Variants in HSD17B7 observed in about 807,000 individuals in gnomAD.
HSD17B7 encodes the protein 3-keto-steroid reductase/17-beta-hydroxysteroid dehydrogenase 7.
HSD17B7 carries 17 observed loss-of-function variants against 34.1 expected under a neutral mutation model. The ratio of observed to expected loss-of-function variants is 0.50; its 90% CI spans 0.34 to 0.75. HSD17B7 has a LOEUF of 0.75. Among genes scored for constraint, HSD17B7 ranks in the 30% least tolerant of loss-of-function variants. HSD17B7 has a pLI of 0.01. For missense variants in HSD17B7, 296 were observed against 406.6 expected (o/e 0.73, Z 2.34); for synonymous variants, 122 against 154.6 (o/e 0.79, Z 1.56).
At chr1:162,795,344 A>ATATTAGAGCAATGTAT (rs1648568704) in intron 2 of HSD17B7, among the ~76,000 whole-genome samples, 1 of 152,222 alleles carries the variant, frequency 6.6e-6, no homozygotes, top group African/African-American at 2.4e-5. Context: ...TGTTTTATCC[A>ATATTAGAGCAATGTAT]TATTAGAGCA....
At chr1:162,801,359 TA>T (rs1648807862) in intron 5 of HSD17B7, among the ~76,000 whole-genome samples, 1 of 152,200 alleles carries the variant, frequency 6.6e-6, no homozygotes, top group South Asian at 2.1e-4. Context: ...GCATATTATT[TA>T]ATCTCCCTAT....
chr1:162,811,522 G>A (rs1207905795), intron 8 of HSD17B7, among the ~76,000 whole-genome samples: 1 of 152,210 alleles, frequency 6.6e-6, no homozygotes, highest in African/African-American at 2.4e-5. Flanking sequence ...AAGTTTGCCT[G>A]TACATACTGT....
At chr1:162,798,999 A>G in intron 4 of HSD17B7, 1 of 183,102 alleles carries the variant, frequency 5.5e-6, no homozygotes, top group Non-Finnish European at 1.2e-5. Flanking sequence ...CGTCTCAAAA[A>G]AAAAAAAAAA....
chr1:162,802,075 G>T (rs1433392203), intron 5 of HSD17B7, among the ~76,000 whole-genome samples: 3 of 152,080 alleles, frequency 2.0e-5, no homozygotes, highest in Admixed American at 6.6e-5. Context: ...TGGAAATGTT[G>T]TCAGGTTCTA....
chr1:162,802,129 C>A (rs1189785387), intron 5 of HSD17B7, among the ~76,000 whole-genome samples: 2 of 152,202 alleles, frequency 1.3e-5, no homozygotes, highest in East Asian at 3.9e-4. Flanking sequence ...CATGCTCCCC[C>A]ACTCAAGCTG....
In HSD17B7 at chr1:162,796,648, C is replaced by G; in HGVS notation, c.303C>G (p.Ile101Met). The G allele has an allele frequency of 6.2e-7, 1 of 1,611,178 alleles. No homozygotes were observed. The highest frequency in any genetic ancestry group is 8.5e-7 in the Non-Finnish European group (1 of 1,177,448). Residue 101 changes from isoleucine to methionine, a missense_variant, in exon 3 of 9, where the codon ATC becomes ATG. Transcript: ENST00000254521. Reference protein sequence around the residue: ...AGIMPNPQLNIKALFFGLFSR... With the variant: ...AGIMPNPQLNMKALFFGLFSR... ...TCATGCCTAATCCACAACTAAATAT[C>G]AAAGCACTTTTCTTTGGCCTCTTTT...
chr1:162,791,169 C>T lies in HSD17B7; in HGVS notation c.35+334C>T, dbSNP rs192672890. 3.6e-3 allele frequency among the ~76,000 whole-genome samples: 548 copies of T among 152,202 alleles called. 3 individuals carry two copies. Among genetic ancestry groups the T allele is most frequent in the African/African-American group, 0.013 (526 of 41,556 alleles). ...ACTGTTCGTATTTATCGTCAGTGCC[C>T]AATATTTTGCTCCTGACCACGTGAT... On this transcript the variant is annotated intron_variant, in intron 1 of 8. Transcript: ENST00000254521.
intron 1 of HSD17B7, 144 bp downstream of exon 1, chr1:162,790,979 C>T: frequency 1.6e-6 from 1 of 640,454 alleles, no homozygotes; most frequent in South Asian, 1.7e-5. Flanking sequence ...AGGTGTGGGG[C>T]ATGTCGGCCT....
intron 8 of HSD17B7, among the ~76,000 whole-genome samples, chr1:162,806,861 T>A (rs939327251): frequency 9.2e-5 from 14 of 152,224 alleles, no homozygotes; most frequent in Non-Finnish European, 1.9e-4. Flanking sequence ...GAAGTCAGCT[T>A]TCTCTTCTGT....
chr1:162,793,269 G>A (rs1454642182), intron 2 of HSD17B7, among the ~76,000 whole-genome samples: 1 of 152,116 alleles, frequency 6.6e-6, no homozygotes, highest in Non-Finnish European at 1.5e-5. Context: ...CCCTGACCTC[G>A]TGATCCACCC....
rs1359500055 is a variant in HSD17B7 at position 162,796,824 on chromosome 1, A to G, written c.332+147A>G. Reference sequence around the variant, plus strand: ...AAAAAGGAGATGTCGCAACCATATCATGAAAGAAAAGCAATCCTCTTTTGT... The same window carrying G: ...AAAAAGGAGATGTCGCAACCATATCGTGAAAGAAAAGCAATCCTCTTTTGT... On this transcript the variant is annotated intron_variant, in intron 3 of 8. Transcript: ENST00000254521. 2.1e-5 allele frequency: 13 copies of G among 627,958 alleles called. No individual in the cohort carries two copies. In the East Asian group the frequency reaches 2.5e-4, roughly 12 times the overall value. The allele number at this position is 627,958 out of a possible 1,614,324, so 38.9% of individuals were successfully genotyped here.
intron 1 of HSD17B7, among the ~76,000 whole-genome samples, chr1:162,792,089 A>G (rs1310558244): frequency 6.6e-6 from 1 of 152,006 alleles, no homozygotes; most frequent in Non-Finnish European, 1.5e-5. Context: ...TTCTTTTTCT[A>G]TTATTTAATC....
rs533082889 is a variant in HSD17B7 at position 162,799,957 on chromosome 1, T to C, written c.642+20T>C. 6 of 1,609,620 alleles carry C rather than the reference T, an allele frequency of 3.7e-6. No homozygotes were observed. Among genetic ancestry groups the C allele is most frequent in the African/African-American group, 2.7e-5 (2 of 74,972 alleles). ...CAGCAGGTAAGGCCTGTCTCAGTGATACGGAAATGGCAGAGGAGGGTTCTC... is the reference window on the plus strand; with the variant it reads ...CAGCAGGTAAGGCCTGTCTCAGTGACACGGAAATGGCAGAGGAGGGTTCTC... On this transcript the variant is annotated intron_variant, in intron 5 of 8. Transcript: ENST00000254521.
At position 162,811,741 on chromosome 1, in the gene HSD17B7, G is replaced by A. The variant is rs184597776; in HGVS notation, c.904-557G>A. ...CCCTCAGGCTTGTGGCTCGAGAGTG[G>A]TATGGAAGAAGGGAAGAAAAAAGGG... On this transcript the variant is annotated intron_variant, in intron 8 of 8. Coordinates refer to ENST00000254521, the MANE Select transcript of HSD17B7 (RefSeq NM_016371.4). Among the ~76,000 whole-genome samples the A allele has an allele frequency of 5.9e-3, 897 of 152,316 alleles. 9 individuals carry two copies. The highest frequency in any genetic ancestry group is 0.02 in the African/African-American group (827 of 41,560).
chr1:162,795,615 T>C, intron 2 of HSD17B7: 1 of 458,054 alleles, frequency 2.2e-6, no homozygotes, highest in South Asian at 1.6e-5. Flanking sequence ...TGTCAATTAT[T>C]TATAGGATGA....
chr1:162,790,956 C>G (rs1398354641), intron 1 of HSD17B7, 121 bp downstream of exon 1: 5 of 704,938 alleles, frequency 7.1e-6, no homozygotes, highest in Admixed American at 4.6e-5. Flanking sequence ...CTAGGTTCCC[C>G]GGAGTCTGCA....
intron 8 of HSD17B7, among the ~76,000 whole-genome samples, chr1:162,811,974 CT>C (rs1196173674): frequency 2.0e-5 from 3 of 152,202 alleles, no homozygotes; most frequent in Non-Finnish European, 4.4e-5. Flanking sequence ...TCACAAAACT[CT>C]TGATTTTTCT....
At chr1:162,790,897 C>T (rs2102227180) in intron 1 of HSD17B7, 62 bp downstream of exon 1, 1 of 1,417,028 alleles carries the variant, frequency 7.1e-7, no homozygotes, top group Non-Finnish European at 9.8e-7. Flanking sequence ...GAGCAGGGGT[C>T]TGCGACCCTC....
intron 8 of HSD17B7, among the ~76,000 whole-genome samples, chr1:162,809,320 C>G (rs1054591958): frequency 2.0e-5 from 3 of 152,146 alleles, no homozygotes; most frequent in Non-Finnish European, 2.9e-5. Context: ...GGATGAAACT[C>G]ACTTGATCAT....
Sources: allele counts gnomAD v4.1 joint callset (sites outside exome capture counted in the v4.1 genomes callset), GRCh38; gene constraint gnomAD v4.1.1; transcripts MANE v1.5; gene names NCBI Gene and HGNC (gene_info 2026-07-23, HGNC 2026-07-21).